Variants in EPG5 observed in about 807,000 individuals in gnomAD.
EPG5 encodes the protein ectopic P-granules 5 autophagy tethering factor, also known as ectopic P granules protein 5 homolog.
A neutral mutation model predicts 302.7 loss-of-function variants in EPG5; 159 were observed. The observed-to-expected ratio is 0.53, with a 90% CI of 0.46 to 0.60. The LOEUF (loss-of-function observed/expected upper bound fraction) is 0.60, where lower values mean the gene tolerates loss of function less well. Among genes scored for constraint, EPG5 ranks in the 20% least tolerant of loss-of-function variants. The pLI, the probability that EPG5 is intolerant of heterozygous loss-of-function variation, is 0.00. For missense variants in EPG5, 2,896 were observed against 3,092.4 expected, an observed-to-expected ratio of 0.94 and a Z score of 1.51; for synonymous variants, 1,158 against 1,136.8, an observed-to-expected ratio of 1.02 and a Z score of -0.37.
chr18:45,906,889 C>G (rs2145633240), intron 24 of EPG5, among the ~76,000 whole-genome samples: 1 of 152,330 alleles, frequency 6.6e-6, no homozygotes, highest in South Asian at 2.1e-4. Context: ...CTCCTGGCCT[C>G]AGGTGATCTA....
chr18:45,951,056 G>C, intron 4 of EPG5, 46 bp downstream of exon 4: 1 of 1,396,174 alleles, frequency 7.2e-7, no homozygotes, highest in Non-Finnish European at 9.4e-7. Context: ...CCTAAATTAT[G>C]AAAGAAATAA....
intron 40 of EPG5, 93 bp downstream of exon 40, chr18:45,860,011 T>C (rs371672303): frequency 2.7e-5 from 40 of 1,482,112 alleles, no homozygotes; most frequent in South Asian, 2.2e-4. Context: ...AATCCCTCAC[T>C]GGGAAGAGTC....
intron 24 of EPG5, among the ~76,000 whole-genome samples, chr18:45,905,049 G>A (rs956700583): frequency 6.6e-6 from 1 of 152,094 alleles, no homozygotes; most frequent in Non-Finnish European, 1.5e-5. Context: ...AATAACAGGT[G>A]TCAAATAAGT....
At chr18:45,920,511 C>G (rs1211613460) in intron 16 of EPG5, among the ~76,000 whole-genome samples, 1 of 152,172 alleles carries the variant, frequency 6.6e-6, no homozygotes, top group Non-Finnish European at 1.5e-5. Flanking sequence ...ATAATTCTGC[C>G]GGCTGGAAGA....
Position 45,930,845 on chromosome 18 carries a change from C to A in EPG5, c.2258-15G>T. On this transcript the variant is annotated splice_polypyrimidine_tract_variant and intron_variant, in intron 11 of 43. Coordinates refer to ENST00000282041, the MANE Select transcript of EPG5 (RefSeq NM_020964.3). ...ATGTTCTGGGTCTGCAAGTTCATAT[C>A]AAGAAAATTAGAGTGGGGAAAGAAT... 1 of 1,573,262 alleles carries A rather than the reference C, an allele frequency of 6.4e-7. No individual in the cohort carries two copies. The highest frequency in any genetic ancestry group is 8.6e-7 in the Non-Finnish European group (1 of 1,166,668).
chr18:45,863,239 T>C lies in EPG5; in HGVS notation c.6766+2376A>G, dbSNP rs750221975. Among the ~76,000 whole-genome samples, 22 of 152,216 alleles carry C rather than the reference T, an allele frequency of 1.4e-4. 1 individual carries two copies. The highest frequency in any genetic ancestry group is 2.5e-4 in the Non-Finnish European group (17 of 68,034). Reference sequence around the variant, plus strand: ...AGCTAGATGTTTTTGGTTATTAACCTACCTTAACAATCTTTGTCTTTTAAC... The same window carrying C: ...AGCTAGATGTTTTTGGTTATTAACCCACCTTAACAATCTTTGTCTTTTAAC... On this transcript the variant is annotated intron_variant, in intron 39 of 43. Transcript: ENST00000282041.
At chr18:45,926,632 G>C (rs1265962388) in intron 13 of EPG5, among the ~76,000 whole-genome samples, 4 of 151,966 alleles carry the variant, frequency 2.6e-5, no homozygotes, top group Non-Finnish European at 5.9e-5. Flanking sequence ...TTTGAGACCA[G>C]CCTGGCCAAC....
At chr18:45,923,037 T>C (rs1253620219) in intron 15 of EPG5, among the ~76,000 whole-genome samples, 1 of 152,248 alleles carries the variant, frequency 6.6e-6, no homozygotes, top group African/African-American at 2.4e-5. Flanking sequence ...AACCAAGCTC[T>C]AACACACCAC....
the EPG5 span, among the ~76,000 whole-genome samples, chr18:45,822,742 A>G: frequency 2.6e-5 from 4 of 152,358 alleles, no homozygotes; most frequent in East Asian, 7.7e-4. Context: ...TATCTATTAA[A>G]TATATCTCTC....
intron 39 of EPG5, among the ~76,000 whole-genome samples, chr18:45,864,507 T>G (rs772889358): frequency 1.3e-5 from 2 of 152,262 alleles, no homozygotes; most frequent in African/African-American, 2.4e-5. Flanking sequence ...TTTTGCTTAC[T>G]GTACTAATTA....
At chr18:45,899,761 G>A (rs1446254108) in intron 26 of EPG5, among the ~76,000 whole-genome samples, 195 bp from the exon 27 acceptor site, 2 of 152,064 alleles carry the variant, frequency 1.3e-5, no homozygotes, top group Admixed American at 6.5e-5. Context: ...AGAAAGCTAA[G>A]AAATGAAAGA....
At chr18:45,838,216 G>A in the EPG5 span, among the ~76,000 whole-genome samples, 3 of 152,188 alleles carry the variant, frequency 2.0e-5, no homozygotes, top group African/African-American at 7.2e-5. Flanking sequence ...TCCTAAATAT[G>A]CCAAGAGGTG....
chr18:45,914,858 G>C (rs2049992632), intron 20 of EPG5, among the ~76,000 whole-genome samples: 1 of 152,028 alleles, frequency 6.6e-6, no homozygotes, highest in African/African-American at 2.4e-5. Context: ...TAGTGTGCCT[G>C]TAGTCCCCAA....
At chr18:45,934,770 T>C (rs375169990) in intron 11 of EPG5, 39 bp downstream of exon 11, 8 of 1,563,528 alleles carry the variant, frequency 5.1e-6, no homozygotes, top group African/African-American at 4.1e-5. Context: ...CACAAAAAGA[T>C]AGGGAGAGCT....
Position 45,866,950 on chromosome 18 carries a change from C to T in EPG5, c.6469G>A (p.Asp2157Asn), listed in dbSNP as rs2048760799. 1 of 1,614,024 alleles carries T rather than the reference C, an allele frequency of 6.2e-7. No individual in the cohort carries two copies. The highest frequency in any genetic ancestry group is 1.3e-5 in the African/African-American group (1 of 74,902). ...QTSSLSWHLV[D>N]IVSYQSVLSY... ...AGCACACTCTGGTACGACACAATAT[C>T]CACAAGATGCCATGAAAGTGAGCTT... The change falls in exon 38 of 44, where the codon GAT becomes AAT. Residue 2157 changes from aspartate (D) to asparagine (N), a missense_variant. Physicochemically the swap from Asp to Asn is conservative, Grantham distance 23. Coordinates refer to ENST00000282041, the MANE Select transcript of EPG5 (RefSeq NM_020964.3).
the EPG5 span, among the ~76,000 whole-genome samples, chr18:45,833,507 T>A: frequency 6.6e-6 from 1 of 151,980 alleles, no homozygotes; most frequent in East Asian, 1.9e-4. Flanking sequence ...GAGACGGGGT[T>A]TTACCATGTT....
intron 24 of EPG5, 134 bp from the exon 25 acceptor site, chr18:45,904,251 A>C (rs2049695536): frequency 1.0e-5 from 10 of 964,132 alleles, no homozygotes; most frequent in Non-Finnish European, 1.4e-5. Flanking sequence ...CACCATTAGG[A>C]TAAATTGCCA....
chr18:45,928,345 G>A (rs2050324099), intron 13 of EPG5, among the ~76,000 whole-genome samples: 1 of 152,168 alleles, frequency 6.6e-6, no homozygotes, highest in Non-Finnish European at 1.5e-5. Flanking sequence ...CTTTAAATAG[G>A]TAAATTGTAT....
intron 15 of EPG5, among the ~76,000 whole-genome samples, chr18:45,922,923 G>A (rs2050190452): frequency 6.6e-6 from 1 of 152,162 alleles, no homozygotes; most frequent in Admixed American, 6.5e-5. Context: ...GTCAATTTTG[G>A]TGGTGTAAAA....
Sources: allele counts gnomAD v4.1 joint callset (sites outside exome capture counted in the v4.1 genomes callset), GRCh38; gene constraint gnomAD v4.1.1; transcripts MANE v1.5; gene names NCBI Gene and HGNC (gene_info 2026-07-23, HGNC 2026-07-21).